Variants in BANP observed in about 807,000 individuals in gnomAD.
BANP encodes the protein BTG3 associated nuclear protein, also known as protein BANP.
A neutral mutation model predicts 68.1 loss-of-function variants in BANP; 11 were observed. That is an observed-to-expected ratio of 0.16 (90% CI 0.10 to 0.27). The LOEUF (loss-of-function observed/expected upper bound fraction) is 0.27. Among genes scored for constraint, BANP ranks in the 10% least tolerant of loss-of-function variants. The pLI is 1.00. For missense variants in BANP, 504 were observed against 722.7 expected (o/e 0.70, Z 3.47); for synonymous variants, 329 against 303.2 (o/e 1.09, Z -0.88).
intron 3 of BANP, among the ~76,000 whole-genome samples, chr16:87,982,012 T>C (rs1290767246): frequency 6.6e-6 from 1 of 152,264 alleles, no homozygotes; most frequent in African/African-American, 2.4e-5. Context: ...TATTTGGTAA[T>C]ATTTAATTTG....
chr16:88,033,183 G>A lies in BANP; in HGVS notation c.1138G>A (p.Ala380Thr), dbSNP rs757034546. ...GCCGCAGCCGCAGGCCCTGCACTAC[G>A]CGCTGGCCAACGCACAGCAGGTGCA... ...PQPQPQALHY[A>T]LANAQQVQIH... Residue 380 changes from alanine (A) to threonine (T), a missense_variant, in exon 9 of 14, where the codon GCG becomes ACG. Transcript: ENST00000682872. 1.1e-5 allele frequency: 18 copies of A among 1,611,454 alleles called. No individual in the cohort carries two copies. Among genetic ancestry groups the A allele is most frequent in the Admixed American group, 5.0e-5 (3 of 59,950 alleles).
chr16:87,951,916 C>G (rs1018697227), intron 1 of BANP, among the ~76,000 whole-genome samples: 2 of 152,270 alleles, frequency 1.3e-5, no homozygotes, highest in East Asian at 3.9e-4. Context: ...CGAAGTCTCC[C>G]AAGGGGGTCG....
chr16:87,974,381 C>T (rs1388481379), intron 1 of BANP, among the ~76,000 whole-genome samples: 1 of 152,180 alleles, frequency 6.6e-6, no homozygotes, highest in Non-Finnish European at 1.5e-5. Context: ...CAGCCCCGCC[C>T]TGGACAGCAC....
chr16:87,984,701 C>G (rs10863195), intron 4 of BANP, among the ~76,000 whole-genome samples: 99,835 of 152,148 alleles, frequency 0.66, 33,284 homozygotes, highest in African/African-American at 0.74. Flanking sequence ...TCTAATGAGT[C>G]TAATCTTAGA....
At chr16:87,956,742 G>A (rs1662246518) in intron 1 of BANP, 1 of 152,072 alleles carries the variant, frequency 6.6e-6, no homozygotes, top group Non-Finnish European at 1.5e-5. Context: ...CGTCCCGGTG[G>A]GCTCGCCTGG....
chr16:87,977,253 C>T (rs1014739352), intron 2 of BANP, among the ~76,000 whole-genome samples: 12 of 152,108 alleles, frequency 7.9e-5, no homozygotes, highest in African/African-American at 2.7e-4. Context: ...ACTTAAAATA[C>T]AAAAAAATAC....
intron 2 of BANP, among the ~76,000 whole-genome samples, chr16:87,975,470 C>T (rs1465916501): frequency 3.9e-5 from 6 of 152,216 alleles, no homozygotes; most frequent in Admixed American, 2.6e-4. Context: ...ACTCTCTCCC[C>T]TGCCGCGTCC....
Position 88,018,684 on chromosome 16 carries a change from C to G in BANP, c.895+17C>G, listed in dbSNP as rs776897239. On this transcript the variant is annotated intron_variant, in intron 7 of 13. Coordinates refer to ENST00000682872, the MANE Select transcript of BANP (RefSeq NM_001386991.1). The surrounding 1 kb of genome is among the most constrained non-coding windows in gnomAD (Gnocchi z 7.7). The stretch of plus-strand genomic sequence containing the variant: ...GCATCCGGTGTAAGTCGGGCCCCGC[C>G]TTGGGGGACTGGGGTGTGCGGGGAG... The G allele has an allele frequency of 1.8e-5, 28 of 1,551,672 alleles. No homozygotes were observed. The African/African-American group carries it at 3.7e-4, about 20-fold the overall frequency.
At position 88,002,557 on chromosome 16, in the gene BANP, C is replaced by T. The variant is rs964049798; in HGVS notation, c.363-1738C>T. ...CTCAAGGAGAGTCATCTTTAGGCAA[C>T]AGGACATTCTGGAAGGTGGGGATCT... On this transcript the variant is annotated intron_variant, in intron 4 of 13. Transcript: ENST00000682872. This position sits in a 1 kb window ranked among gnomAD's most constrained non-coding sequence, Gnocchi z 4.6. Among the ~76,000 whole-genome samples the T allele has an allele frequency of 1.3e-5, 2 of 152,106 alleles. No homozygotes were observed. Among genetic ancestry groups the T allele is most frequent in the Non-Finnish European group, 2.9e-5 (2 of 68,020 alleles).
chr16:88,045,089 A>T (rs1030217430), intron 11 of BANP, among the ~76,000 whole-genome samples: 1 of 152,360 alleles, frequency 6.6e-6, no homozygotes, highest in Admixed American at 6.5e-5. Context: ...GGAAGCTTTT[A>T]AAAAAATCAC....
intron 2 of BANP, among the ~76,000 whole-genome samples, chr16:87,977,110 A>G (rs567367685): frequency 5.3e-5 from 8 of 152,282 alleles, no homozygotes; most frequent in African/African-American, 1.9e-4. Flanking sequence ...TTTCTTGAGT[A>G]TTTGTTAAAA....
chr16:87,953,190 C>A (rs1049980761), intron 1 of BANP, among the ~76,000 whole-genome samples: 29 of 135,114 alleles, frequency 2.1e-4, no homozygotes, highest in Non-Finnish European at 3.2e-4. Flanking sequence ...AGCCTATGTT[C>A]TTAAAAAAAA....
chr16:88,065,667 G>A (rs541092680), intron 12 of BANP, among the ~76,000 whole-genome samples: 1 of 152,316 alleles, frequency 6.6e-6, no homozygotes, highest in South Asian at 2.1e-4. Context: ...AAAACTGATG[G>A]CACAAGTGGT....
rs146757441 is a variant in BANP, at chr16:88,060,614, G to A, written c.1312-4653G>A. 5.9e-3 allele frequency among the ~76,000 whole-genome samples: 904 copies of A among 152,316 alleles called. 8 individuals are homozygous for A. The highest frequency in any genetic ancestry group is 0.02 in the African/African-American group (833 of 41,570). ...AGCCACGAGAACGGTGCCATCTGGA[G>A]GGTGCGTGGAGGCACGTGGAGGTGG... On this transcript the variant is annotated intron_variant, in intron 11 of 13. Coordinates refer to ENST00000682872, the MANE Select transcript of BANP (RefSeq NM_001386991.1).
chr16:88,008,925 A>G (rs2072133635), intron 6 of BANP, among the ~76,000 whole-genome samples: 1 of 152,172 alleles, frequency 6.6e-6, no homozygotes, highest in African/African-American at 2.4e-5. Flanking sequence ...TTTGTAATAA[A>G]TCTGTTTCAC....
rs1348739423 is a variant in BANP at position 87,951,529 on chromosome 16, C to T, written c.-69+14C>T. 3.3e-5 allele frequency: 5 copies of T among 152,880 alleles called. No homozygotes were observed. The highest frequency in any genetic ancestry group is 5.9e-5 in the Non-Finnish European group (4 of 67,876). The allele number at this position is 152,880 out of a possible 1,614,324, so 9.5% of individuals were successfully genotyped here. On this transcript the variant is annotated intron_variant, in intron 1 of 13. Transcript: ENST00000682872. The stretch of plus-strand genomic sequence containing the variant: ...GCAGCCCACACGGTAATTGCAGCTC[C>T]CGCAGCCGGTCGCGCCTCCGCCTCC...
chr16:87,980,132 T>C (rs1175492075), intron 2 of BANP, among the ~76,000 whole-genome samples: 1 of 152,208 alleles, frequency 6.6e-6, no homozygotes, highest in Admixed American at 6.5e-5. Context: ...CAGTTCACAC[T>C]GTCATTTCAG....
chr16:87,991,311 T>A (rs1014434199), intron 4 of BANP, among the ~76,000 whole-genome samples: 2 of 152,264 alleles, frequency 1.3e-5, no homozygotes, highest in African/African-American at 4.8e-5. Context: ...CTTCGGGAAT[T>A]ATTAACATAA....
intron 4 of BANP, among the ~76,000 whole-genome samples, chr16:87,993,409 A>T (rs1271472675): frequency 6.6e-6 from 1 of 152,008 alleles, no homozygotes; most frequent in Non-Finnish European, 1.5e-5. Context: ...CTATTCACTC[A>T]TCCGTTTCCA....
Sources: allele counts gnomAD v4.1 joint callset (sites outside exome capture counted in the v4.1 genomes callset), GRCh38; gene constraint gnomAD v4.1.1; non-coding constraint Gnocchi (gnomAD v3.1); transcripts MANE v1.5; gene names NCBI Gene and HGNC (gene_info 2026-07-23, HGNC 2026-07-21).